The following DPP10 variants were observed in gnomAD, a reference collection of about 807,000 sequenced individuals.
DPP10 encodes the protein inactive dipeptidyl peptidase 10.
Under a neutral mutation model 120.9 loss-of-function variants are expected in DPP10, and 33 were observed. The observed-to-expected ratio is 0.27, with a 90% CI of 0.21 to 0.37. The LOEUF is 0.37. DPP10 is among the 10% of genes least tolerant of loss of function. The probability of loss-of-function intolerance (pLI) is 1.00; values close to 1 mark genes in which losing one functional copy is unlikely to be tolerated. For synonymous variants in DPP10, 337 were observed against 326.1 expected, an observed-to-expected ratio of 1.03 and a Z score of -0.36; for missense variants, 816 against 942.8, an observed-to-expected ratio of 0.87 and a Z score of 1.76.
chr2:114,887,798 C>T (rs1411205277), intron 1 of DPP10, among the ~76,000 whole-genome samples: 2 of 152,150 alleles, frequency 1.3e-5, no homozygotes, highest in Admixed American at 1.3e-4. Context: ...ATGGCCTGAT[C>T]TTACATTTGT....
At chr2:115,199,235 A>AT (rs1157751459) in intron 1 of DPP10, among the ~76,000 whole-genome samples, 1 of 152,100 alleles carries the variant, frequency 6.6e-6, no homozygotes, top group Non-Finnish European at 1.5e-5. Flanking sequence ...TTTGAATATG[A>AT]TAAAAAACAG....
chr2:115,571,976 CA>C (rs2081362112), intron 5 of DPP10, among the ~76,000 whole-genome samples: 1 of 152,026 alleles, frequency 6.6e-6, no homozygotes, highest in African/African-American at 2.4e-5. Flanking sequence ...TTACATCACT[CA>C]ATTTAAATAC....
chr2:115,642,958 C>T (rs1016694299), intron 5 of DPP10, among the ~76,000 whole-genome samples: 1 of 151,932 alleles, frequency 6.6e-6, no homozygotes, highest in Admixed American at 6.6e-5. Context: ...TTCAATTAAA[C>T]AGATTGACCT....
intron 1 of DPP10, among the ~76,000 whole-genome samples, chr2:115,014,552 A>G (rs1204863635): frequency 6.6e-6 from 1 of 152,310 alleles, no homozygotes; most frequent in Non-Finnish European, 1.5e-5. Context: ...CAATGAATCC[A>G]GGAGCTGGTT....
At chr2:115,122,842 T>C (rs961947206) in intron 1 of DPP10, among the ~76,000 whole-genome samples, 3 of 152,156 alleles carry the variant, frequency 2.0e-5, no homozygotes, top group Non-Finnish European at 4.4e-5. Flanking sequence ...GTCTACTCTG[T>C]GCAGACTCCA....
rs533053163 is a variant in DPP10, at chr2:114,831,138, A to G, written c.60+388300A>G. On this transcript the variant is annotated intron_variant, in intron 1 of 25. Transcript: ENST00000410059. Reference sequence around the variant, plus strand: ...AGTAAAGACTTTTTTATTTGGTAGTAGAAACATATGGGGAAATAAAATGTA... The same window carrying G: ...AGTAAAGACTTTTTTATTTGGTAGTGGAAACATATGGGGAAATAAAATGTA... 1.0e-4 allele frequency among the ~76,000 whole-genome samples: 15 copies of G among 149,552 alleles called. No individual in the cohort carries two copies. The South Asian group carries it at 2.7e-3, about 27-fold the overall frequency.
At chr2:114,855,441 A>G (rs1519666) in intron 1 of DPP10, among the ~76,000 whole-genome samples, 54,909 of 152,058 alleles carry the variant, frequency 0.36, 10,574 homozygotes, top group South Asian at 0.51. Flanking sequence ...ATATTTTATG[A>G]TATTTTCTAA....
At chr2:115,562,389 G>A (rs746846965) in intron 5 of DPP10, among the ~76,000 whole-genome samples, 89 of 152,162 alleles carry the variant, frequency 5.8e-4, no homozygotes, top group Non-Finnish European at 1.1e-3. Flanking sequence ...CCCTAACTCA[G>A]ATGATCATTT....
At chr2:114,826,311 G>T (rs887643006) in intron 1 of DPP10, among the ~76,000 whole-genome samples, 5 of 152,044 alleles carry the variant, frequency 3.3e-5, no homozygotes, top group Non-Finnish European at 4.4e-5. Flanking sequence ...CTTTTAATCG[G>T]CTTGTGAAAT....
In DPP10 at chr2:115,443,021, A is replaced by T. The variant is rs1419563557; in HGVS notation, c.272-56489A>T. Among the ~76,000 whole-genome samples the T allele has an allele frequency of 3.3e-5, 5 of 152,232 alleles. No individual in the cohort carries two copies. The East Asian group carries it at 9.7e-4, about 29-fold the overall frequency. The stretch of plus-strand genomic sequence containing the variant: ...ATTGCAAAACATTTTGCACATTTGT[A>T]CTTTTTAAAGTTTCTCTTTTTTATT... On this transcript the variant is annotated intron_variant, in intron 3 of 25. Coordinates refer to ENST00000410059, the MANE Select transcript of DPP10 (RefSeq NM_020868.6).
Position 115,380,401 on chromosome 2 carries a change from C to T in DPP10, c.271+36489C>T, listed in dbSNP as rs186483493. On this transcript the variant is annotated intron_variant, in intron 3 of 25. Transcript: ENST00000410059. ...CCTGCCTTTTTTTGTTTTCCATTTG[C>T]TTGGTAGATCTTCTTCCATCCTTTG... 1.4e-3 allele frequency among the ~76,000 whole-genome samples: 214 copies of T among 152,154 alleles called. 1 individual carries two copies. The highest frequency in any genetic ancestry group is 5.1e-3 in the African/African-American group (210 of 41,508).
intron 21 of DPP10, among the ~76,000 whole-genome samples, chr2:115,831,035 C>T (rs1412004768): frequency 6.6e-6 from 1 of 152,048 alleles, no homozygotes; most frequent in East Asian, 1.9e-4. Context: ...GATTAAGATT[C>T]TGCTTCAAGG....
At chr2:115,577,374 A>G (rs1221833509) in intron 5 of DPP10, among the ~76,000 whole-genome samples, 1 of 152,158 alleles carries the variant, frequency 6.6e-6, no homozygotes, top group East Asian at 1.9e-4. Context: ...ACTTCATGCC[A>G]ATTACCTAAC....
At chr2:115,476,196 A>G (rs1270089756) in intron 3 of DPP10, among the ~76,000 whole-genome samples, 1 of 152,092 alleles carries the variant, frequency 6.6e-6, no homozygotes, top group African/African-American at 2.4e-5. Flanking sequence ...ATTTGAGGTG[A>G]TTGGATCAAC....
At chr2:115,025,010 T>C (rs553553356) in intron 1 of DPP10, among the ~76,000 whole-genome samples, 1 of 152,010 alleles carries the variant, frequency 6.6e-6, no homozygotes, top group Non-Finnish European at 1.5e-5. Context: ...ATTTTAATGC[T>C]AGGAACACTT....
intron 1 of DPP10, among the ~76,000 whole-genome samples, chr2:115,045,299 G>T (rs557335584): frequency 1.3e-5 from 2 of 152,000 alleles, no homozygotes; most frequent in African/African-American, 4.8e-5. Context: ...CAGATATATT[G>T]GAATGCCTTT....
At chr2:115,587,594 A>G (rs928490671) in intron 5 of DPP10, among the ~76,000 whole-genome samples, 8 of 152,180 alleles carry the variant, frequency 5.3e-5, no homozygotes, top group African/African-American at 1.7e-4. Flanking sequence ...TTGCAATCTC[A>G]TATTTATTGC....
intron 1 of DPP10, among the ~76,000 whole-genome samples, chr2:115,248,383 TTC>T (rs2058624119): frequency 6.6e-6 from 1 of 152,154 alleles, no homozygotes; most frequent in Non-Finnish European, 1.5e-5. Flanking sequence ...TGGCCTCTTT[TTC>T]TTTAGAAGAT....
intron 1 of DPP10, among the ~76,000 whole-genome samples, chr2:114,846,099 A>T (rs1013100810): frequency 6.6e-6 from 1 of 152,126 alleles, no homozygotes; most frequent in South Asian, 2.1e-4. Flanking sequence ...TTCAGTGTTC[A>T]GCTAATAGAT....
Sources: gnomAD v4.1 joint callset for allele counts (sites outside exome capture counted in the v4.1 genomes callset) on GRCh38, gnomAD v4.1.1 for gene constraint, MANE v1.5 for transcripts, NCBI Gene and HGNC (gene_info 2026-07-23, HGNC 2026-07-21) for gene names.